The following SASH1 variants were observed in gnomAD, a reference collection of about 807,000 sequenced individuals.
The protein encoded by SASH1 is SAM and SH3 domain containing 1, also known as SAM and SH3 domain-containing protein 1.
Under a neutral mutation model 125.2 loss-of-function variants are expected in SASH1, and 44 were observed. The ratio of observed to expected loss-of-function variants is 0.35; its 90% confidence interval spans 0.28 to 0.45. The LOEUF (loss-of-function observed/expected upper bound fraction) is 0.45, where lower values mean the gene tolerates loss of function less well. SASH1 is among the 20% of genes least tolerant of loss of function. The pLI, the probability that SASH1 is intolerant of heterozygous loss-of-function variation, is 1.00. For synonymous variants in SASH1, 639 were observed against 649.1 expected, an observed-to-expected ratio of 0.98 and a Z score of 0.24; for missense variants, 1,426 against 1,614.5, an observed-to-expected ratio of 0.88 and a Z score of 2.00.
At chr6:148,507,433 C>T (rs530181328) in intron 8 of SASH1, among the ~76,000 whole-genome samples, 14 of 152,184 alleles carry the variant, frequency 9.2e-5, no homozygotes, top group East Asian at 3.9e-4. Context: ...TGCAGTCAGG[C>T]GATCTTGGCT....
intron 2 of SASH1, among the ~76,000 whole-genome samples, chr6:148,435,915 T>A (rs1351006173): frequency 6.6e-6 from 1 of 152,218 alleles, no homozygotes; most frequent in East Asian, 1.9e-4. Context: ...CCTTAAGTGA[T>A]AATTCAGGCT....
intron 2 of SASH1, among the ~76,000 whole-genome samples, chr6:148,414,729 G>A (rs193078249): frequency 2.1e-4 from 32 of 152,012 alleles, no homozygotes; most frequent in African/African-American, 5.5e-4. Context: ...GCAGTGATGC[G>A]ATTTTGGCAT....
At chr6:148,310,902 T>C (rs73007526) in intron 1 of SASH1, among the ~76,000 whole-genome samples, 20,237 of 152,068 alleles carry the variant, frequency 0.13, 1,570 homozygotes, top group South Asian at 0.25. Context: ...GAAAATGGTG[T>C]AGAAAGTCAG....
chr6:148,251,326 A>C, the SASH1 span, among the ~76,000 whole-genome samples: 1 of 152,214 alleles, frequency 6.6e-6, no homozygotes, highest in Non-Finnish European at 1.5e-5. Flanking sequence ...TTGTCCAATC[A>C]GAATTTTTTT....
chr6:148,487,770 T>C lies in SASH1; in HGVS notation c.729+55T>C, dbSNP rs1485728974. 3 of 1,257,804 alleles carry C rather than the reference T, an allele frequency of 2.4e-6. No homozygotes were observed. In the African/African-American group the frequency reaches 4.4e-5, roughly 19 times the overall value. The allele number at this position is 1,257,804 out of a possible 1,614,324, so 77.9% of individuals were successfully genotyped here. On this transcript the variant is annotated intron_variant, in intron 8 of 19. Transcript: ENST00000367467. Reference sequence around the variant, plus strand: ...TCACCTACGCCGATAAGGGACAGTCTTCACCATTTTAGTCTTTGTATTTCT... The same window carrying C: ...TCACCTACGCCGATAAGGGACAGTCCTCACCATTTTAGTCTTTGTATTTCT...
intron 2 of SASH1, among the ~76,000 whole-genome samples, chr6:148,424,775 A>T (rs1775737324): frequency 6.6e-6 from 1 of 152,202 alleles, no homozygotes; most frequent in Non-Finnish European, 1.5e-5. Flanking sequence ...CTTCACCTGC[A>T]GGCCACTGAA....
At chr6:148,259,615 A>G in the SASH1 span, among the ~76,000 whole-genome samples, 1 of 152,050 alleles carries the variant, frequency 6.6e-6, no homozygotes, top group Non-Finnish European at 1.5e-5. Flanking sequence ...TCATGATTGT[A>G]CCTCCAGAAC....
chr6:148,267,452 C>T (rs1778974840), upstream of SASH1, among the ~76,000 whole-genome samples: 1 of 150,700 alleles, frequency 6.6e-6, no homozygotes, highest in Non-Finnish European at 1.5e-5. Context: ...AATCTCGGCT[C>T]ACTGCAAGCT....
intron 1 of SASH1, among the ~76,000 whole-genome samples, chr6:148,377,027 G>A (rs912588025): frequency 9.3e-5 from 14 of 149,802 alleles, no homozygotes; most frequent in Non-Finnish European, 8.9e-5. Context: ...AAAATTAGCC[G>A]GGCGTAGTGG....
intron 4 of SASH1, among the ~76,000 whole-genome samples, chr6:148,460,321 G>T (rs1312659060): frequency 6.6e-6 from 1 of 152,138 alleles, no homozygotes; most frequent in Non-Finnish European, 1.5e-5. Context: ...TATACAAAGA[G>T]GGTGGGGTAG....
chr6:148,350,616 G>C (rs6942257), intron 1 of SASH1, among the ~76,000 whole-genome samples: 73,112 of 152,056 alleles, frequency 0.48, 17,724 homozygotes, highest in South Asian at 0.57. Flanking sequence ...TGATTGTTTC[G>C]TGTCTAAGAC....
the SASH1 span, among the ~76,000 whole-genome samples, chr6:148,218,426 A>G: frequency 6.6e-6 from 1 of 152,182 alleles, no homozygotes; most frequent in African/African-American, 2.4e-5. Flanking sequence ...GGGGAACAGA[A>G]AACTGTTCTT....
chr6:148,454,303 A>G (rs1417388584), intron 4 of SASH1, among the ~76,000 whole-genome samples: 3 of 152,186 alleles, frequency 2.0e-5, no homozygotes, highest in East Asian at 1.9e-4. Flanking sequence ...AATAACAGCT[A>G]TAGCAGGGCC....
intron 12 of SASH1, among the ~76,000 whole-genome samples, chr6:148,527,999 GT>G (rs373889245): frequency 0.041 from 4,120 of 100,326 alleles, 160 homozygotes; most frequent in African/African-American, 0.088. Context: ...GGGGGGGGGG[GT>G]GGCAGTAGAC....
At chr6:148,301,238 A>G (rs575995154) in intron 1 of SASH1, among the ~76,000 whole-genome samples, 1 of 151,138 alleles carries the variant, frequency 6.6e-6, no homozygotes, top group East Asian at 2.0e-4. Flanking sequence ...ATGCAGGAGA[A>G]TCACTTGAAC....
At chr6:148,418,864 T>A (rs1279528235) in intron 2 of SASH1, among the ~76,000 whole-genome samples, 2 of 152,082 alleles carry the variant, frequency 1.3e-5, no homozygotes, top group Non-Finnish European at 2.9e-5. Context: ...AGACCCCAAA[T>A]CATAACCCTT....
intron 1 of SASH1, among the ~76,000 whole-genome samples, chr6:148,302,170 C>G (rs1779974135): frequency 6.6e-6 from 1 of 151,034 alleles, no homozygotes; most frequent in Admixed American, 6.6e-5. Flanking sequence ...AAAAAATTAG[C>G]CGGGCGTGGT....
At chr6:148,528,640 A>G (rs1349286071) in intron 12 of SASH1, among the ~76,000 whole-genome samples, 3 of 152,120 alleles carry the variant, frequency 2.0e-5, no homozygotes, top group Non-Finnish European at 4.4e-5. Context: ...CTCCAGGGCA[A>G]TGTCTTTCAA....
At chr6:148,445,679 A>G (rs1776739501) in intron 4 of SASH1, among the ~76,000 whole-genome samples, 1 of 151,894 alleles carries the variant, frequency 6.6e-6, no homozygotes, top group South Asian at 2.1e-4. Context: ...TGGCTGCTGC[A>G]TCTTCTAGGT....
Sources: allele counts gnomAD v4.1 joint callset (sites outside exome capture counted in the v4.1 genomes callset), GRCh38; gene constraint gnomAD v4.1.1; transcripts MANE v1.5; gene names NCBI Gene and HGNC (gene_info 2026-07-23, HGNC 2026-07-21).